Variants in RNF121 observed in about 807,000 individuals in gnomAD.
RNF121 encodes E3 ubiquitin ligase RNF121.
RNF121 carries 21 observed loss-of-function variants against 46.5 expected under a neutral mutation model. The observed-to-expected ratio is 0.45, with a 90% CI of 0.32 to 0.65. The LOEUF (loss-of-function observed/expected upper bound fraction) is 0.65, where lower values mean the gene tolerates loss of function less well. Ranked by LOEUF, RNF121 falls within the 30% of genes least tolerant of loss-of-function variation. RNF121 has a pLI of 0.04. For missense variants in RNF121, 346 were observed against 416.0 expected (o/e 0.83, Z 1.46); for synonymous variants, 139 against 144.7 (o/e 0.96, Z 0.28).
chr11:71,967,732 C>G (rs1214516696), intron 3 of RNF121, among the ~76,000 whole-genome samples: 1 of 152,038 alleles, frequency 6.6e-6, no homozygotes, highest in Non-Finnish European at 1.5e-5. Flanking sequence ...TAATAATTAT[C>G]TTTTACTGCT....
intron 3 of RNF121, 82 bp from the exon 4 acceptor site, chr11:71,982,679 A>G (rs1043731145): frequency 1.0e-5 from 15 of 1,441,436 alleles, no homozygotes; most frequent in Non-Finnish European, 1.3e-5. Flanking sequence ...AAGCTAAAAT[A>G]GAAAACAAGC....
chr11:71,972,630 A>G (rs540813015), intron 3 of RNF121, among the ~76,000 whole-genome samples: 17 of 151,396 alleles, frequency 1.1e-4, no homozygotes, highest in Admixed American at 4.6e-4. Context: ...TAGGATGTTT[A>G]ATAGCATCCC....
chr11:71,941,225 G>A (rs2134152659), intron 1 of RNF121, among the ~76,000 whole-genome samples: 1 of 152,352 alleles, frequency 6.6e-6, no homozygotes, highest in Middle Eastern at 3.4e-3. Context: ...TAGTTTAGGA[G>A]CGAGATGATG....
intron 2 of RNF121, among the ~76,000 whole-genome samples, chr11:71,958,942 C>T (rs1489403742): frequency 6.6e-6 from 1 of 152,178 alleles, no homozygotes; most frequent in East Asian, 1.9e-4. Flanking sequence ...GAACAAGAAA[C>T]TTATCTCTTG....
At chr11:71,972,294 G>A (rs889480115) in intron 3 of RNF121, among the ~76,000 whole-genome samples, 11 of 152,342 alleles carry the variant, frequency 7.2e-5, no homozygotes, top group Non-Finnish European at 1.2e-4. Context: ...AGAATGTTGT[G>A]TAAAGGAAAG....
chr11:71,976,493 C>T (rs370291265), intron 3 of RNF121, among the ~76,000 whole-genome samples: 1 of 151,512 alleles, frequency 6.6e-6, no homozygotes, highest in Non-Finnish European at 1.5e-5. Context: ...GTAGCTGGGA[C>T]TGCAGGTGTG....
At chr11:71,971,978 T>G (rs907397758) in intron 3 of RNF121, among the ~76,000 whole-genome samples, 4 of 152,194 alleles carry the variant, frequency 2.6e-5, no homozygotes, top group Non-Finnish European at 5.9e-5. Context: ...GGAGGCAATC[T>G]GGATATCTAT....
At chr11:71,941,351 G>A (rs1340718487) in intron 1 of RNF121, among the ~76,000 whole-genome samples, 3 of 152,110 alleles carry the variant, frequency 2.0e-5, no homozygotes, top group Admixed American at 6.5e-5. Context: ...TCCCTAATTC[G>A]TTCACTCATG....
intron 1 of RNF121, among the ~76,000 whole-genome samples, chr11:71,952,902 A>G (rs147162344): frequency 9.7e-4 from 148 of 152,358 alleles, no homozygotes; most frequent in African/African-American, 3.5e-3. Flanking sequence ...TGTGGTGACT[A>G]CATTTGAAAA....
chr11:71,948,603 CAGCAGCTGT>C lies in RNF121; in HGVS notation c.64-8614_64-8606del, dbSNP rs372513453. ...ATGAGGGGTGGGGGTAAAGGGCAGGCAGCAGCTGTAGCAGCTGTTAGAGCCAACATCTAC... is the reference window on the plus strand; with the variant it reads ...ATGAGGGGTGGGGGTAAAGGGCAGGCAGCAGCTGTTAGAGCCAACATCTAC... On this transcript the variant is annotated intron_variant, in intron 1 of 8. Transcript: ENST00000361756. 4.2e-3 allele frequency among the ~76,000 whole-genome samples: 626 copies of C among 149,978 alleles called. 6 individuals are homozygous for C. Among genetic ancestry groups the C allele is most frequent in the African/African-American group, 0.014 (589 of 40,866 alleles).
At chr11:71,980,361 TTAAGATGGAG>T (rs1290327307) in intron 3 of RNF121, among the ~76,000 whole-genome samples, 114 of 151,112 alleles carry the variant, frequency 7.5e-4, no homozygotes, top group African/African-American at 2.6e-3. Context: ...TTTTTTTTTT[TTAAGATGGAG>T]TCTAACACTC....
chr11:71,983,577 T>A (rs1396683049), intron 4 of RNF121: 1 of 152,260 alleles, frequency 6.6e-6, no homozygotes, highest in East Asian at 1.9e-4. Context: ...CCCCACCAGC[T>A]TGTGAGGTAA....
At chr11:71,987,382 C>G (rs896292412) in intron 5 of RNF121, among the ~76,000 whole-genome samples, 4 of 152,182 alleles carry the variant, frequency 2.6e-5, no homozygotes, top group African/African-American at 9.7e-5. Flanking sequence ...CCAAAGTAAG[C>G]ATAATAATTA....
chr11:71,950,733 A>G (rs1953855605), intron 1 of RNF121, among the ~76,000 whole-genome samples: 1 of 151,432 alleles, frequency 6.6e-6, no homozygotes, highest in Non-Finnish European at 1.5e-5. Flanking sequence ...GCTCACTGCA[A>G]GCTCCGCCCC....
chr11:71,946,003 C>T (rs1953705947), intron 1 of RNF121, among the ~76,000 whole-genome samples: 1 of 151,646 alleles, frequency 6.6e-6, no homozygotes, highest in Admixed American at 6.6e-5. Flanking sequence ...CCCTGCTACT[C>T]GGGAGGCTGA....
Position 71,994,057 on chromosome 11 carries a change from C to G in RNF121, c.628-662C>G, listed in dbSNP as rs547706822. Among the ~76,000 whole-genome samples, 13 of 152,086 alleles carry G rather than the reference C, an allele frequency of 8.5e-5. No individual in the cohort carries two copies. The South Asian group carries it at 1.5e-3, about 17-fold the overall frequency. ...GGGTTTCACTGTGTTAGTTAGGATG[C>G]TCTCGATCTCCTGACCTCGTGATCC... On this transcript the variant is annotated intron_variant, in intron 6 of 8. Coordinates refer to ENST00000361756, the MANE Select transcript of RNF121 (RefSeq NM_018320.5).
intron 3 of RNF121, among the ~76,000 whole-genome samples, chr11:71,968,137 C>T (rs2134186697): frequency 6.6e-6 from 1 of 152,034 alleles, no homozygotes; most frequent in East Asian, 1.9e-4. Context: ...TCTCGGCTCA[C>T]TGCAACCTCT....
At chr11:71,973,186 CA>C (rs112904022) in intron 3 of RNF121, among the ~76,000 whole-genome samples, 142 of 135,530 alleles carry the variant, frequency 1.0e-3, no homozygotes, top group Non-Finnish European at 1.0e-3. Context: ...AACTCCATCT[CA>C]AAAAAAAAAA....
chr11:71,958,280 G>A (rs886568965), intron 2 of RNF121, among the ~76,000 whole-genome samples: 2 of 152,144 alleles, frequency 1.3e-5, no homozygotes, highest in Admixed American at 1.3e-4. Flanking sequence ...AAAAGATCTA[G>A]AACTGTTAGC....
Sources: allele counts gnomAD v4.1 joint callset (sites outside exome capture counted in the v4.1 genomes callset), GRCh38; gene constraint gnomAD v4.1.1; transcripts MANE v1.5; gene names NCBI Gene and HGNC (gene_info 2026-07-23, HGNC 2026-07-21).